ANKH: variants seen among roughly 807,000 people sequenced by gnomAD.
ANKH encodes the protein ANKH inorganic pyrophosphate transport regulator, also known as mineralization regulator ANKH.
In ANKH, 15 loss-of-function variants were observed where a neutral mutation model predicts 49.0. That is an observed-to-expected ratio of 0.31 (90% confidence interval 0.20 to 0.47). ANKH has a LOEUF of 0.47. Among genes scored for constraint, ANKH ranks in the 20% least tolerant of loss-of-function variants. The pLI, the probability that ANKH is intolerant of heterozygous loss-of-function variation, is 1.00. For synonymous variants in ANKH, 273 were observed against 260.0 expected (o/e 1.05, Z -0.48); for missense variants, 429 against 652.0 (o/e 0.66, Z 3.72).
At chr5:14,798,039 A>G in intron 1 of ANKH, 2 of 1,582,778 alleles carry the variant, frequency 1.3e-6, no homozygotes, top group Non-Finnish European at 8.7e-7. Flanking sequence ...TTCATGGTTG[A>G]TCTTGATTTC....
At chr5:14,858,378 T>C (rs911995787) in intron 1 of ANKH, among the ~76,000 whole-genome samples, 8 of 152,048 alleles carry the variant, frequency 5.3e-5, no homozygotes, top group South Asian at 2.1e-4. Context: ...TCAAGAAAAA[T>C]TGCCTACGAT....
intron 3 of ANKH, among the ~76,000 whole-genome samples, chr5:14,757,855 G>A (rs965779741): frequency 1.3e-5 from 2 of 152,160 alleles, no homozygotes; most frequent in Admixed American, 6.5e-5. Flanking sequence ...TAGCTGCTAC[G>A]AAGATCAGTC....
At chr5:14,859,762 A>G (rs1735422974) in intron 1 of ANKH, among the ~76,000 whole-genome samples, 1 of 152,218 alleles carries the variant, frequency 6.6e-6, no homozygotes, top group Non-Finnish European at 1.5e-5. Context: ...CGCATCCGTC[A>G]TTTGACAAAA....
At chr5:14,819,424 C>T (rs750132601) in intron 1 of ANKH, among the ~76,000 whole-genome samples, 3 of 152,166 alleles carry the variant, frequency 2.0e-5, no homozygotes, top group Admixed American at 6.5e-5. Flanking sequence ...TGGGTAGGGG[C>T]TAACATTTCT....
chr5:14,866,985 C>T (rs992765730), intron 1 of ANKH, among the ~76,000 whole-genome samples: 4 of 151,800 alleles, frequency 2.6e-5, no homozygotes, highest in Non-Finnish European at 5.9e-5. Context: ...GGTGAAACCC[C>T]GTCTCTACAA....
At chr5:14,765,009 A>G (rs1739214725) in intron 2 of ANKH, among the ~76,000 whole-genome samples, 2 of 152,226 alleles carry the variant, frequency 1.3e-5, no homozygotes, top group Admixed American at 6.5e-5. Flanking sequence ...ACGCACGTGA[A>G]ATTAATTTGG....
chr5:14,781,648 C>T (rs1432408898), intron 1 of ANKH, among the ~76,000 whole-genome samples: 7 of 152,200 alleles, frequency 4.6e-5, no homozygotes, highest in African/African-American at 1.7e-4. Flanking sequence ...CCTGATCTCT[C>T]ATGAAACATG....
At chr5:14,760,059 G>C (rs188454181) in intron 2 of ANKH, among the ~76,000 whole-genome samples, 2 of 152,140 alleles carry the variant, frequency 1.3e-5, no homozygotes, top group African/African-American at 4.8e-5. Flanking sequence ...GGGGCAGGTC[G>C]GGGAGAGTGC....
chr5:14,749,407 C>A, intron 5 of ANKH, 101 bp from the exon 6 acceptor site: 2 of 1,286,184 alleles, frequency 1.6e-6, no homozygotes, highest in Non-Finnish European at 2.2e-6. Context: ...AATCACAAGC[C>A]AATTCACTAT....
At chr5:14,721,624 C>T (rs1348862974) in intron 8 of ANKH, among the ~76,000 whole-genome samples, 1 of 152,116 alleles carries the variant, frequency 6.6e-6, no homozygotes, top group Non-Finnish European at 1.5e-5. Flanking sequence ...GAAAGGAATA[C>T]ATTTAACTTA....
chr5:14,849,959 A>G (rs1172496342), intron 1 of ANKH, among the ~76,000 whole-genome samples: 1 of 152,184 alleles, frequency 6.6e-6, no homozygotes, highest in Non-Finnish European at 1.5e-5. Context: ...TGCACCCTCC[A>G]GGTTAAACCT....
At chr5:14,716,440 C>T (rs192457604) in intron 9 of ANKH, among the ~76,000 whole-genome samples, 112 of 151,956 alleles carry the variant, frequency 7.4e-4, no homozygotes, top group African/African-American at 2.5e-3. Context: ...TGCAGTGAGC[C>T]GACATTGTGC....
chr5:14,742,087 A>G (rs1490507841), intron 7 of ANKH, among the ~76,000 whole-genome samples, 165 bp from the exon 8 acceptor site: 1 of 152,198 alleles, frequency 6.6e-6, no homozygotes, highest in East Asian at 1.9e-4. Flanking sequence ...TCTCTCGGGC[A>G]GCTGTCAGGT....
intron 1 of ANKH, among the ~76,000 whole-genome samples, chr5:14,800,237 A>G (rs1740527873): frequency 6.6e-6 from 1 of 152,246 alleles, no homozygotes; most frequent in Non-Finnish European, 1.5e-5. Flanking sequence ...ATAAGCAAAT[A>G]AAGTGTTTGA....
At chr5:14,844,921 A>G (rs1284411689) in intron 1 of ANKH, among the ~76,000 whole-genome samples, 1 of 152,138 alleles carries the variant, frequency 6.6e-6, no homozygotes, top group Non-Finnish European at 1.5e-5. Flanking sequence ...TAGGGTTGGT[A>G]TCAACTTTCT....
At chr5:14,786,389 A>G (rs565437323) in intron 1 of ANKH, among the ~76,000 whole-genome samples, 1 of 152,358 alleles carries the variant, frequency 6.6e-6, no homozygotes, top group South Asian at 2.1e-4. Context: ...ATGGCGTTCC[A>G]GTCAGAATTC....
At chr5:14,739,195 T>A (rs942809315) in intron 8 of ANKH, among the ~76,000 whole-genome samples, 22 of 152,282 alleles carry the variant, frequency 1.4e-4, no homozygotes, top group African/African-American at 4.8e-4. Flanking sequence ...GGCGGGCAGA[T>A]CACTTGAGGT....
At chr5:14,853,363 C>A (rs1742168247) in intron 1 of ANKH, among the ~76,000 whole-genome samples, 1 of 152,096 alleles carries the variant, frequency 6.6e-6, no homozygotes, top group Admixed American at 6.5e-5. Context: ...ATCACTTGAG[C>A]CCTGGGGCTT....
intron 1 of ANKH, among the ~76,000 whole-genome samples, chr5:14,853,989 A>G (rs191029491): frequency 6.6e-6 from 1 of 151,424 alleles, no homozygotes; most frequent in East Asian, 1.9e-4. Flanking sequence ...TCCTTAGCAG[A>G]ACACAACGAT....
Sources: allele counts gnomAD v4.1 joint callset (sites outside exome capture counted in the v4.1 genomes callset), GRCh38; gene constraint gnomAD v4.1.1; transcripts MANE v1.5; gene names NCBI Gene and HGNC (gene_info 2026-07-23, HGNC 2026-07-21).